Variants in CDYL2 observed in about 807,000 individuals in gnomAD.
CDYL2 encodes the protein chromodomain Y like 2.
A neutral mutation model predicts 49.4 loss-of-function variants in CDYL2; 23 were observed. That is an observed-to-expected ratio of 0.47 (90% CI 0.34 to 0.66). The LOEUF (loss-of-function observed/expected upper bound fraction) is 0.66. Ranked by LOEUF, CDYL2 falls within the 30% of genes least tolerant of loss-of-function variation. The probability of loss-of-function intolerance (pLI) is 0.01; values close to 1 mark genes in which losing one functional copy is unlikely to be tolerated. For missense variants in CDYL2, 678 were observed against 656.4 expected (o/e 1.03, Z -0.36); for synonymous variants, 360 against 268.8 (o/e 1.34, Z -3.32).
intron 1 of CDYL2, among the ~76,000 whole-genome samples, chr16:80,709,454 C>T (rs561246601): frequency 6.6e-6 from 1 of 151,026 alleles, no homozygotes; most frequent in South Asian, 2.1e-4. Flanking sequence ...TTGAGCATAA[C>T]GCAAATTTTG....
At chr16:80,684,473 C>T (rs1910094847) in intron 2 of CDYL2, 65 bp downstream of exon 2, 1 of 1,483,076 alleles carries the variant, frequency 6.7e-7, no homozygotes, top group Non-Finnish European at 9.2e-7. Context: ...TGTCCCTAGG[C>T]TACAGGCAGA....
At chr16:80,744,524 T>C (rs968520345) in intron 1 of CDYL2, among the ~76,000 whole-genome samples, 3 of 152,170 alleles carry the variant, frequency 2.0e-5, no homozygotes, top group Non-Finnish European at 4.4e-5. Context: ...GAGCACCCTA[T>C]AGAAGGTACT....
At chr16:80,763,590 T>C (rs28377915) in intron 1 of CDYL2, among the ~76,000 whole-genome samples, 31,787 of 151,450 alleles carry the variant, frequency 0.21, 4,690 homozygotes, top group African/African-American at 0.43. Flanking sequence ...CCAGCCTGGG[T>C]AACAGAGCAA....
intron 1 of CDYL2, among the ~76,000 whole-genome samples, chr16:80,705,304 G>A (rs1012542327): frequency 6.6e-6 from 1 of 152,214 alleles, no homozygotes; most frequent in Admixed American, 6.5e-5. Flanking sequence ...AAGCGGGCAG[G>A]GAGATTCCTG....
At chr16:80,746,638 T>C (rs1020298395) in intron 1 of CDYL2, among the ~76,000 whole-genome samples, 3 of 152,104 alleles carry the variant, frequency 2.0e-5, no homozygotes, top group African/African-American at 7.2e-5. Context: ...GATCTTCCCT[T>C]AACAACTAGA....
chr16:80,681,465 C>A (rs140427942), intron 2 of CDYL2, among the ~76,000 whole-genome samples: 24 of 152,202 alleles, frequency 1.6e-4, no homozygotes, highest in South Asian at 1.0e-3. Flanking sequence ...CTGGACTACA[C>A]CTCTGGCCTG....
At chr16:80,628,707 A>C (rs1417056070) in intron 3 of CDYL2, among the ~76,000 whole-genome samples, 1 of 152,234 alleles carries the variant, frequency 6.6e-6, no homozygotes, top group Non-Finnish European at 1.5e-5. Flanking sequence ...ACAAGAGCTA[A>C]AATAGCATAC....
Position 80,672,479 on chromosome 16 carries a change from AGAAAGGAAAGAAAGAAG to A in CDYL2, c.616+12042_616+12058del, listed in dbSNP as rs566705190. ...CATTTTAAAATGCCCAGGAAAAGAAAGAAAGGAAAGAAAGAAGGAAAGGAAAGAAGGAAAGAAGCAAA... is the reference window on the plus strand; with the variant it reads ...CATTTTAAAATGCCCAGGAAAAGAAAGAAAGGAAAGAAGGAAAGAAGCAAA... On this transcript the variant is annotated intron_variant, in intron 2 of 6. Transcript: ENST00000570137. 3.0e-3 allele frequency among the ~76,000 whole-genome samples: 453 copies of A among 150,648 alleles called. 4 individuals carry two copies. The highest frequency in any genetic ancestry group is 0.011 in the African/African-American group (431 of 40,602).
chr16:80,685,163 G>T (rs573165719), intron 1 of CDYL2, 34 bp from the exon 2 acceptor site: 10 of 1,540,782 alleles, frequency 6.5e-6, no homozygotes, highest in African/African-American at 1.4e-5. Context: ...AGAAAACAGA[G>T]AGAGAGGGAG....
At chr16:80,735,189 G>C (rs1260005688) in intron 1 of CDYL2, 4 of 152,206 alleles carry the variant, frequency 2.6e-5, no homozygotes, top group Admixed American at 6.5e-5. Flanking sequence ...AACAAAGTGA[G>C]ATGAACCACA....
chr16:80,692,595 T>A (rs16953845), intron 1 of CDYL2, among the ~76,000 whole-genome samples: 1 of 152,132 alleles, frequency 6.6e-6, no homozygotes, highest in East Asian at 1.9e-4. Context: ...ATACCTGGAG[T>A]TGAGGCTTAA....
intron 3 of CDYL2, among the ~76,000 whole-genome samples, chr16:80,628,771 A>G (rs1907418452): frequency 6.6e-6 from 1 of 152,186 alleles, no homozygotes; most frequent in African/African-American, 2.4e-5. Flanking sequence ...CACATAAAAG[A>G]ATTTAACAAA....
chr16:80,782,167 G>C (rs1039844586), intron 1 of CDYL2, among the ~76,000 whole-genome samples: 2 of 151,854 alleles, frequency 1.3e-5, no homozygotes, highest in Non-Finnish European at 2.9e-5. Context: ...AATGAAAAAA[G>C]AGAAATTACT....
intron 1 of CDYL2, among the ~76,000 whole-genome samples, chr16:80,803,529 G>A (rs567230291): frequency 2.0e-5 from 3 of 151,916 alleles, no homozygotes; most frequent in Admixed American, 6.5e-5. Flanking sequence ...CAGCAGGTGG[G>A]GGGTGAGGGA....
intron 1 of CDYL2, among the ~76,000 whole-genome samples, chr16:80,789,118 A>C (rs1907528000): frequency 6.6e-6 from 1 of 152,182 alleles, no homozygotes; most frequent in Non-Finnish European, 1.5e-5. Flanking sequence ...AGTCAAAAAA[A>C]AACAACAGAG....
intron 1 of CDYL2, among the ~76,000 whole-genome samples, chr16:80,742,863 G>A (rs1329134713): frequency 6.6e-6 from 1 of 151,254 alleles, no homozygotes; most frequent in Non-Finnish European, 1.5e-5. Flanking sequence ...ATATATGAAT[G>A]GGTGAGTGGG....
At chr16:80,653,240 C>T (rs1347047867) in intron 2 of CDYL2, among the ~76,000 whole-genome samples, 4 of 152,106 alleles carry the variant, frequency 2.6e-5, no homozygotes, top group African/African-American at 7.2e-5. Context: ...CCAAGGCAGG[C>T]GGATCACCTG....
chr16:80,738,443 T>A (rs1905617356), intron 1 of CDYL2, among the ~76,000 whole-genome samples: 1 of 152,104 alleles, frequency 6.6e-6, no homozygotes, highest in East Asian at 1.9e-4. Flanking sequence ...AAGAAATGAG[T>A]ACTAATGCTA....
chr16:80,720,505 G>T (rs1439915663), intron 1 of CDYL2, among the ~76,000 whole-genome samples: 2 of 152,192 alleles, frequency 1.3e-5, no homozygotes, highest in East Asian at 3.8e-4. Context: ...AGAAAGGAGG[G>T]TATGCTCGTC....
Sources: gnomAD v4.1 joint callset for allele counts (sites outside exome capture counted in the v4.1 genomes callset) on GRCh38, gnomAD v4.1.1 for gene constraint, MANE v1.5 for transcripts, NCBI Gene and HGNC (gene_info 2026-07-23, HGNC 2026-07-21) for gene names.